The following CDH20 variants were observed in gnomAD, a reference collection of about 807,000 sequenced individuals.
CDH20 encodes the protein cadherin-20.
A neutral mutation model predicts 74.2 loss-of-function variants in CDH20; 29 were observed. The ratio of observed to expected loss-of-function variants is 0.39; its 90% CI spans 0.29 to 0.53. CDH20 has a LOEUF of 0.53. Ranked by LOEUF, CDH20 falls within the 20% of genes least tolerant of loss-of-function variation. The probability of loss-of-function intolerance (pLI) is 0.69; values close to 1 mark genes in which losing one functional copy is unlikely to be tolerated. For synonymous variants in CDH20, 469 were observed against 405.4 expected (o/e 1.16, Z -1.88); for missense variants, 988 against 1,048.3 (o/e 0.94, Z 0.79).
intron 1 of CDH20, among the ~76,000 whole-genome samples, chr18:61,383,919 T>C (rs1400652526): frequency 6.6e-6 from 1 of 152,112 alleles, no homozygotes; most frequent in African/African-American, 2.4e-5. Flanking sequence ...GATTCAAATG[T>C]TCCTAAGTGA....
intron 1 of CDH20, among the ~76,000 whole-genome samples, chr18:61,451,281 A>C (rs964461402): frequency 3.3e-5 from 5 of 152,098 alleles, no homozygotes; most frequent in African/African-American, 4.8e-5. Context: ...AACTACTTGT[A>C]AAATGTAGCC....
chr18:61,419,902 T>C (rs776098122), intron 1 of CDH20, among the ~76,000 whole-genome samples: 8 of 152,184 alleles, frequency 5.3e-5, no homozygotes, highest in African/African-American at 1.2e-4. Context: ...ACTGTTCTCA[T>C]TGAGAATCTA....
intron 2 of CDH20, among the ~76,000 whole-genome samples, chr18:61,492,329 C>G (rs1214128293): frequency 1.3e-5 from 2 of 152,122 alleles, no homozygotes; most frequent in Non-Finnish European, 2.9e-5. Flanking sequence ...CCTGCTTCCA[C>G]CATCATCTGT....
At chr18:61,456,137 A>G (rs918765405) in intron 1 of CDH20, among the ~76,000 whole-genome samples, 1 of 152,124 alleles carries the variant, frequency 6.6e-6, no homozygotes, top group Non-Finnish European at 1.5e-5. Flanking sequence ...CCTCTAGCCT[A>G]TGGTTTGGGT....
Position 61,503,107 on chromosome 18 carries a change from C to T in CDH20, c.816C>T (p.Pro272=). ...ITLSDVNDNP[P]RFPQKHYQMS... ...TCTCAGATGTCAATGATAACCCACC[C>T]CGCTTTCCCCAGAGTGAGTACCTAA... The change falls in exon 5 of 12, where the codon CCC becomes CCT. Residue 272 remains proline (P), a synonymous_variant. Coordinates refer to ENST00000262717, the MANE Select transcript of CDH20 (RefSeq NM_031891.4). The T allele has an allele frequency of 6.2e-7, 1 of 1,608,742 alleles. No homozygotes were observed. Among genetic ancestry groups the T allele is most frequent in the Non-Finnish European group, 8.5e-7 (1 of 1,177,492 alleles).
chr18:61,480,141 G>C (rs1201809018), intron 1 of CDH20, among the ~76,000 whole-genome samples: 3 of 152,082 alleles, frequency 2.0e-5, no homozygotes, highest in South Asian at 2.1e-4. Flanking sequence ...GGCTGACCTT[G>C]AAAAGAATTA....
At chr18:61,423,380 T>G (rs1382031280) in intron 1 of CDH20, among the ~76,000 whole-genome samples, 3 of 147,304 alleles carry the variant, frequency 2.0e-5, no homozygotes, top group South Asian at 4.2e-4. Context: ...TGAGGACTCA[T>G]GCCTTCTTGT....
At chr18:61,345,429 T>A (rs964062583) in intron 1 of CDH20, among the ~76,000 whole-genome samples, 1 of 152,164 alleles carries the variant, frequency 6.6e-6, no homozygotes, top group Non-Finnish European at 1.5e-5. Flanking sequence ...CACCTGTCAG[T>A]GACCAGGGTC....
intron 6 of CDH20, among the ~76,000 whole-genome samples, chr18:61,508,096 C>G (rs1212205853): frequency 6.6e-6 from 1 of 152,012 alleles, no homozygotes; most frequent in Non-Finnish European, 1.5e-5. Flanking sequence ...TTATAAGGTA[C>G]CAAGATAAGC....
intron 1 of CDH20, among the ~76,000 whole-genome samples, chr18:61,345,091 G>C (rs930150158): frequency 6.6e-6 from 1 of 152,154 alleles, no homozygotes; most frequent in Non-Finnish European, 1.5e-5. Flanking sequence ...AAATTAAATC[G>C]GGTGACTTCC....
intron 1 of CDH20, among the ~76,000 whole-genome samples, chr18:61,385,989 A>T (rs1188512679): frequency 1.4e-5 from 2 of 141,172 alleles, no homozygotes; most frequent in Admixed American, 1.4e-4. Context: ...ATTAACATGT[A>T]AAAAAAAATT....
At chr18:61,349,291 G>A (rs556556255) in intron 1 of CDH20, among the ~76,000 whole-genome samples, 49 of 152,330 alleles carry the variant, frequency 3.2e-4, no homozygotes, top group African/African-American at 1.1e-3. Flanking sequence ...AAGCCCTAGA[G>A]ATTGGTGCTT....
intron 1 of CDH20, among the ~76,000 whole-genome samples, chr18:61,424,814 T>C (rs951457627): frequency 6.6e-6 from 1 of 152,150 alleles, no homozygotes; most frequent in African/African-American, 2.4e-5. Flanking sequence ...ATTTTTGTTT[T>C]CTAACAATAA....
At chr18:61,349,116 C>A (rs1452163395) in intron 1 of CDH20, among the ~76,000 whole-genome samples, 2 of 152,040 alleles carry the variant, frequency 1.3e-5, no homozygotes, top group African/African-American at 4.8e-5. Context: ...TTGGAATTAC[C>A]AGAACAACTA....
rs147081247 is a variant in CDH20, at chr18:61,518,886, G to C, written c.1018-9081G>C. ...CTAAGAACCTTGAAAAAACATTAGAGGAATTGCTAACTAGAATAACCAGTT... is the reference window on the plus strand; with the variant it reads ...CTAAGAACCTTGAAAAAACATTAGACGAATTGCTAACTAGAATAACCAGTT... On this transcript the variant is annotated intron_variant, in intron 6 of 11. Transcript: ENST00000262717. Among the ~76,000 whole-genome samples, 55 of 151,196 alleles carry C rather than the reference G, an allele frequency of 3.6e-4. 3 individuals are homozygous for C. The highest frequency in any genetic ancestry group is 1.3e-3 in the African/African-American group (51 of 40,724).
intron 1 of CDH20, among the ~76,000 whole-genome samples, chr18:61,437,102 T>G (rs538438759): frequency 7.2e-5 from 11 of 152,214 alleles, no homozygotes; most frequent in Non-Finnish European, 1.6e-4. Flanking sequence ...TTGGTAATTG[T>G]TCAACAGTCA....
intron 1 of CDH20, among the ~76,000 whole-genome samples, chr18:61,390,159 G>A (rs764131622): frequency 6.6e-6 from 1 of 151,796 alleles, no homozygotes; most frequent in African/African-American, 2.4e-5. Context: ...CAGGGATCCT[G>A]CCCATTCACC....
intron 8 of CDH20, among the ~76,000 whole-genome samples, chr18:61,538,822 G>A (rs1385830921): frequency 1.3e-5 from 2 of 151,622 alleles, no homozygotes; most frequent in African/African-American, 2.4e-5. Context: ...GTTTCACTCC[G>A]TGTTATCCAG....
intron 1 of CDH20, among the ~76,000 whole-genome samples, chr18:61,381,967 A>ACCC (rs200896787): frequency 1.0e-3 from 153 of 150,530 alleles, no homozygotes; most frequent in African/African-American, 3.5e-3. Context: ...TGTCACTACT[A>ACCC]CCCCCCCCAG....
Sources: gnomAD v4.1 joint callset for allele counts (sites outside exome capture counted in the v4.1 genomes callset) on GRCh38, gnomAD v4.1.1 for gene constraint, MANE v1.5 for transcripts, NCBI Gene and HGNC (gene_info 2026-07-23, HGNC 2026-07-21) for gene names.